BICDL2: variants seen among roughly 807,000 people sequenced by gnomAD.
BICDL2 encodes the protein BICD family like cargo adaptor 2.
BICDL2 carries 62 observed loss-of-function variants against 56.6 expected under a neutral mutation model. The observed-to-expected ratio is 1.10, with a 90% CI of 0.89 to 1.35. The LOEUF (loss-of-function observed/expected upper bound fraction) is 1.35, where lower values mean the gene tolerates loss of function less well. Ranked by LOEUF, BICDL2 falls within the 40% of genes most tolerant of loss-of-function variation. The pLI, the probability that BICDL2 is intolerant of heterozygous loss-of-function variation, is 0.00. For missense variants in BICDL2, 808 were observed against 684.5 expected (o/e 1.18, Z -2.01); for synonymous variants, 358 against 319.8 (o/e 1.12, Z -1.27).
intron 7 of BICDL2, 27 bp from the exon 8 acceptor site, chr16:3,028,857 G>A (rs769787589): frequency 7.2e-6 from 11 of 1,526,670 alleles, no homozygotes; most frequent in East Asian, 4.9e-5. Context: ...GGGGCCGTGC[G>A]GCAGATGGGC....
At chr16:3,034,374 G>A (rs1295296343) in intron 2 of BICDL2, among the ~76,000 whole-genome samples, 2 of 152,156 alleles carry the variant, frequency 1.3e-5, no homozygotes, top group Non-Finnish European at 2.9e-5. Context: ...TGCCTCCCAG[G>A]TTCAAGTGAT....
At chr16:3,030,385 C>T (rs1361634645) in intron 5 of BICDL2, 64 bp downstream of exon 5, 2 of 1,554,370 alleles carry the variant, frequency 1.3e-6, no homozygotes, top group South Asian at 1.2e-5. Flanking sequence ...CCTCATCTCC[C>T]AGAAAGCCCT....
chr16:3,029,615 T>C lies in BICDL2; in HGVS notation c.887A>G (p.Gln296Arg). The change falls in exon 6 of 10, where the codon CAG becomes CGG. Residue 296 changes from glutamine (Q) to arginine (R), a missense_variant. Physicochemically the swap from Gln to Arg is conservative, Grantham distance 43. Coordinates refer to ENST00000572449, the MANE Select transcript of BICDL2 (RefSeq NM_001369667.1). ...GTCGAGGCTGTGGGCCAGTTCTGAC[T>C]GCAACGAGGCAGCCGACACGTCGGC... ...QDADVSAASLQSELAHSLDDG... is the reference protein window; with the variant it reads ...QDADVSAASLRSELAHSLDDG... The C allele has an allele frequency of 1.3e-6, 2 of 1,539,876 alleles. No individual in the cohort carries two copies. Among genetic ancestry groups the C allele is most frequent in the Non-Finnish European group, 1.7e-6 (2 of 1,146,640 alleles).
At chr16:3,033,198 G>C (rs1955681038) in intron 2 of BICDL2, among the ~76,000 whole-genome samples, 1 of 152,182 alleles carries the variant, frequency 6.6e-6, no homozygotes, top group Admixed American at 6.5e-5. Flanking sequence ...CCAGCTACTT[G>C]GGAGGCTGAG....
At chr16:3,036,687 TG>T (rs1284084542) in intron 1 of BICDL2, 1 of 444,620 alleles carries the variant, frequency 2.2e-6, no homozygotes, top group Middle Eastern at 4.6e-4. Context: ...GCCCAGGTGT[TG>T]GGGCCTCCAG....
intron 1 of BICDL2, chr16:3,036,338 T>A: frequency 2.3e-6 from 1 of 443,820 alleles, no homozygotes; most frequent in Non-Finnish European, 4.5e-6. Flanking sequence ...GGTCCGCCCC[T>A]GGGGACGGGA....
At position 3,029,268 on chromosome 16, in the gene BICDL2, C is replaced by T. The variant is rs1246335385; in HGVS notation, c.1107+12G>A. ...AGGGGCCGTGCATCCAGCACCGTGC[C>T]CTCTGCCCCACCTCATCTTGCAGCT... On this transcript the variant is annotated intron_variant, in intron 7 of 9. Transcript: ENST00000572449. 2 of 1,608,486 alleles carry T rather than the reference C, an allele frequency of 1.2e-6. No homozygotes were observed. The highest frequency in any genetic ancestry group is 1.7e-6 in the Non-Finnish European group (2 of 1,178,262).
In BICDL2 at chr16:3,028,276, G is replaced by A. The variant is rs1463002016; in HGVS notation, c.1360-3C>T. 6.7e-7 allele frequency: 1 copy of A among 1,492,362 alleles called. No homozygotes were observed. The highest frequency in any genetic ancestry group is 8.8e-7 in the Non-Finnish European group (1 of 1,134,492). 92.4% of individuals were successfully genotyped at this position (1,492,362 alleles called of 1,614,324 possible). ...CCGATCACCACCTGCATGTCGTCCT[G>A]CGGGAGGCCGTGGTCGGCTCAGCGC... On this transcript the variant is annotated splice_region_variant and splice_polypyrimidine_tract_variant and intron_variant, in intron 9 of 9. Transcript: ENST00000572449.
At chr16:3,035,192 C>CCCCCCCCCCCCCCCCCCCCCCCCCCT in intron 2 of BICDL2, 23 bp downstream of exon 2, 1 of 284,874 alleles carries the variant, frequency 3.5e-6, no homozygotes, top group Non-Finnish European at 7.3e-6. Context: ...CCCACCCACC[C>CCCCCCCCCCCCCCCCCCCCCCCCCCT]ACCCCGTCCA....
intron 2 of BICDL2, among the ~76,000 whole-genome samples, chr16:3,034,493 G>T (rs1201108319): frequency 6.6e-6 from 1 of 152,070 alleles, no homozygotes; most frequent in Admixed American, 6.6e-5. Flanking sequence ...TGTTGGCCAG[G>T]CTGGTCTTGA....
intron 2 of BICDL2, among the ~76,000 whole-genome samples, chr16:3,034,095 C>T (rs1392122653): frequency 6.6e-6 from 1 of 152,124 alleles, no homozygotes; most frequent in Non-Finnish European, 1.5e-5. Context: ...ACTGTTCCTA[C>T]CTCATTGGGC....
At chr16:3,036,288 G>T (rs975067526) in intron 1 of BICDL2, 10 of 452,160 alleles carry the variant, frequency 2.2e-5, no homozygotes, top group African/African-American at 1.4e-4. Context: ...TGTGCCGGCC[G>T]CCCGGCCGCA....
intron 2 of BICDL2, chr16:3,032,540 T>G (rs1448189562): frequency 6.6e-6 from 1 of 151,976 alleles, no homozygotes; most frequent in Non-Finnish European, 1.5e-5. Flanking sequence ...CATGGACACA[T>G]GCCGGAGCCA....
At position 3,035,074 on chromosome 16, in the gene BICDL2, G is replaced by A. The variant is rs1345217121; in HGVS notation, c.282+141C>T. The A allele has an allele frequency of 8.3e-6, 7 of 843,538 alleles. No individual in the cohort carries two copies. The African/African-American group carries it at 1.2e-4, about 14-fold the overall frequency. 52.3% of individuals were successfully genotyped at this position (843,538 alleles called of 1,614,324 possible). The stretch of plus-strand genomic sequence containing the variant: ...GGGGGACTGGGCCCAGCTCTGACCT[G>A]TTCCAAAGTGCCCCCCTCGCCCGGC... On this transcript the variant is annotated intron_variant, in intron 2 of 9. Transcript: ENST00000572449.
intron 8 of BICDL2, 62 bp from the exon 9 acceptor site, chr16:3,028,530 C>A: frequency 6.5e-7 from 1 of 1,550,202 alleles, no homozygotes; most frequent in Non-Finnish European, 8.6e-7. Context: ...GCCGGGGTGG[C>A]GGGGGACTTC....
chr16:3,031,665 G>A (rs975643512), intron 2 of BICDL2: 1 of 402,380 alleles, frequency 2.5e-6, no homozygotes, highest in African/African-American at 2.0e-5. Context: ...CAGATGCCCA[G>A]CGTGGGGAGG....
chr16:3,034,914 C>T (rs890744247), intron 2 of BICDL2: 5 of 372,634 alleles, frequency 1.3e-5, no homozygotes, highest in Non-Finnish European at 2.4e-5. Context: ...AGTCTCACTA[C>T]GTTGCCCAGG....
At chr16:3,030,631 C>T (rs182123535) in intron 4 of BICDL2, 36 bp from the exon 5 acceptor site, 19,529 of 1,592,554 alleles carry the variant, frequency 0.012, 153 homozygotes, top group Non-Finnish European at 0.015. Context: ...ACAGGGGCAG[C>T]CCCTCCCAGC....
In BICDL2 at chr16:3,029,688, G is replaced by C; in HGVS notation, c.814C>G (p.Leu272Val). 2 of 1,540,998 alleles carry C rather than the reference G, an allele frequency of 1.3e-6. No homozygotes were observed. The highest frequency in any genetic ancestry group is 1.4e-5 in the African/African-American group (1 of 73,196). The change falls in exon 6 of 10, where the codon CTG becomes GTG. Residue 272 changes from leucine (L) to valine (V), a missense_variant. Transcript: ENST00000572449. ...AGEALSALRRLQRRVSELEEE... is the reference protein window; with the variant it reads ...AGEALSALRRVQRRVSELEEE... The stretch of plus-strand genomic sequence containing the variant: ...TCCAGCTCGGAGACGCGCCGCTGCA[G>C]CCTCCGCAGCGCACTCAGCGCCTCC...
Sources: allele counts gnomAD v4.1 joint callset (sites outside exome capture counted in the v4.1 genomes callset), GRCh38; gene constraint gnomAD v4.1.1; transcripts MANE v1.5; gene names NCBI Gene and HGNC (gene_info 2026-07-23, HGNC 2026-07-21).